The following SLC30A6 variants were observed in gnomAD, a reference collection of about 807,000 sequenced individuals.
SLC30A6 encodes zinc transporter 6.
In SLC30A6, 55 loss-of-function variants were observed where a neutral mutation model predicts 63.0. That is an observed-to-expected ratio of 0.87 (90% CI 0.70 to 1.09). The LOEUF (loss-of-function observed/expected upper bound fraction) is 1.09, where lower values mean the gene tolerates loss of function less well. SLC30A6 is among the 50% of genes least tolerant of loss of function. The pLI is 0.00. For synonymous variants in SLC30A6, 224 were observed against 186.1 expected, an observed-to-expected ratio of 1.20 and a Z score of -1.66; for missense variants, 587 against 549.2, an observed-to-expected ratio of 1.07 and a Z score of -0.69.
At chr2:32,186,326 A>C (rs1336963158) in intron 5 of SLC30A6, among the ~76,000 whole-genome samples, 2 of 152,178 alleles carry the variant, frequency 1.3e-5, no homozygotes, top group Admixed American at 6.5e-5. Context: ...TATCACTATG[A>C]TAATCAGTTG....
chr2:32,166,329 A>G (rs140191503), intron 1 of SLC30A6, among the ~76,000 whole-genome samples: 1 of 151,396 alleles, frequency 6.6e-6, no homozygotes, highest in Non-Finnish European at 1.5e-5. Context: ...GGTTAGTAAT[A>G]GGGTTTTAGG....
Position 32,220,535 on chromosome 2 carries a change from A to G in SLC30A6, c.1208A>G (p.Asn403Ser). Reference sequence around the variant, plus strand: ...AATGTGAACCCAGTTATTCTTCTAAACACACAAACAAGGCCTTATGGTTTT... The same window carrying G: ...AATGTGAACCCAGTTATTCTTCTAAGCACACAAACAAGGCCTTATGGTTTT... Reference protein sequence around the residue: ...GKNVNPVILLNTQTRPYGFGL... With the variant: ...GKNVNPVILLSTQTRPYGFGL... The change falls in exon 14 of 14, where the codon AAC becomes AGC. Residue 403 changes from asparagine to serine, a missense_variant. By Grantham distance (46) the Asn-to-Ser change is conservative. Transcript: ENST00000282587. 6.2e-7 allele frequency: 1 copy of G among 1,614,214 alleles called. No homozygotes were observed. The highest frequency in any genetic ancestry group is 8.5e-7 in the Non-Finnish European group (1 of 1,180,034).
intron 1 of SLC30A6, among the ~76,000 whole-genome samples, chr2:32,169,059 A>G (rs189999833): frequency 1.3e-5 from 2 of 152,218 alleles, no homozygotes; most frequent in South Asian, 2.1e-4. Flanking sequence ...TATTAAGGAG[A>G]ATTTTTTAAA....
chr2:32,167,379 ACT>A (rs1191229458), intron 1 of SLC30A6, among the ~76,000 whole-genome samples: 2 of 138,090 alleles, frequency 1.4e-5, no homozygotes, highest in African/African-American at 5.4e-5. Flanking sequence ...CAGGCCACAA[ACT>A]CTTTTTTTTT....
chr2:32,190,000 A>G (rs1683187457), intron 5 of SLC30A6, among the ~76,000 whole-genome samples: 1 of 152,130 alleles, frequency 6.6e-6, no homozygotes, highest in South Asian at 2.1e-4. Flanking sequence ...ACCTTTGCCT[A>G]TGTTGATTAA....
intron 8 of SLC30A6, 54 bp from the exon 9 acceptor site, chr2:32,197,290 G>A: frequency 1.4e-6 from 2 of 1,468,346 alleles, no homozygotes; most frequent in Non-Finnish European, 1.8e-6. Flanking sequence ...AAATATTTCA[G>A]GTAGTGGTTT....
chr2:32,187,731 T>C (rs2148839987), intron 5 of SLC30A6, among the ~76,000 whole-genome samples: 1 of 152,290 alleles, frequency 6.6e-6, no homozygotes, highest in East Asian at 1.9e-4. Context: ...TCCTTTGTAG[T>C]TTTCCCCGTC....
At position 32,222,671 on chromosome 2, in the gene SLC30A6, T is replaced by A. The variant is rs1406742003; in HGVS notation, c.*1958T>A. The A allele has an allele frequency of 6.6e-6, 1 of 152,244 alleles. No homozygotes were observed. Among genetic ancestry groups the A allele is most frequent in the Non-Finnish European group, 1.5e-5 (1 of 68,042 alleles). The allele number at this position is 152,244 out of a possible 1,614,324, so 9.4% of individuals were successfully genotyped here. ...CTACCTTGACTACTGGGGAAAATGA[T>A]ACTTCGTAAAATGTAATAAGGCAAC... On this transcript the variant is annotated 3_prime_UTR_variant, in exon 14 of 14. Coordinates refer to ENST00000282587, the MANE Select transcript of SLC30A6 (RefSeq NM_017964.5).
chr2:32,193,945 T>C lies in SLC30A6; in HGVS notation c.458T>C (p.Leu153Pro). ...VALCFNLFTM[L>P]SIRNKPFAYV... ...CTTTGTTTCAACCTGTTCACGATGC[T>C]TTCTATTCGGAATAAACCTTTTGCT... Residue 153 changes from leucine (L) to proline (P), a missense_variant, in exon 8 of 14, where the codon CTT becomes CCT. Coordinates refer to ENST00000282587, the MANE Select transcript of SLC30A6 (RefSeq NM_017964.5). The C allele has an allele frequency of 6.2e-7, 1 of 1,613,650 alleles. No homozygotes were observed.
At chr2:32,186,323 A>C (rs1218094094) in intron 5 of SLC30A6, among the ~76,000 whole-genome samples, 1 of 152,210 alleles carries the variant, frequency 6.6e-6, no homozygotes, top group Non-Finnish European at 1.5e-5. Flanking sequence ...CATTATCACT[A>C]TGATAATCAG....
intron 13 of SLC30A6, among the ~76,000 whole-genome samples, chr2:32,216,169 C>A (rs537953197): frequency 1.1e-4 from 17 of 152,226 alleles, no homozygotes; most frequent in African/African-American, 4.1e-4. Flanking sequence ...GATTTACATC[C>A]CCACCAACAG....
intron 1 of SLC30A6, among the ~76,000 whole-genome samples, chr2:32,171,045 G>T (rs1397337264): frequency 6.6e-6 from 1 of 152,124 alleles, no homozygotes; most frequent in Non-Finnish European, 1.5e-5. Flanking sequence ...TTGAATTTCT[G>T]CTCAGCCATT....
rs1292610479 is a variant in SLC30A6 at position 32,165,916 on chromosome 2, T to C, written c.3+13T>C. The C allele has an allele frequency of 2.5e-6, 4 of 1,614,080 alleles. No homozygotes were observed. In the Admixed American group the frequency reaches 6.7e-5, roughly 27 times the overall value. ...GCTCCTTATCATGGTGAGTTGGCTGTTGGGGTGAGGGTTTCGGCTGTAGCT... is the reference window on the plus strand; with the variant it reads ...GCTCCTTATCATGGTGAGTTGGCTGCTGGGGTGAGGGTTTCGGCTGTAGCT... On this transcript the variant is annotated intron_variant, in intron 1 of 13. Transcript: ENST00000282587.
intron 3 of SLC30A6, 52 bp from the exon 4 acceptor site, chr2:32,175,266 AT>A (rs1278935596): frequency 3.8e-6 from 6 of 1,562,942 alleles, no homozygotes; most frequent in Admixed American, 1.8e-5. Context: ...AACTTGCTGT[AT>A]TTTTTTAGAG....
In SLC30A6 at chr2:32,220,781, T is replaced by C; in HGVS notation, c.*68T>C. On this transcript the variant is annotated 3_prime_UTR_variant, in exon 14 of 14. Transcript: ENST00000282587. ...TTCCAATTTATTTAGTAATCCAACT[T>C]TGCATTGACTGTTTAATCATTTACT... 7.4e-7 allele frequency: 1 copy of C among 1,357,386 alleles called. No individual in the cohort carries two copies. The highest frequency in any genetic ancestry group is 1.0e-6 in the Non-Finnish European group (1 of 988,214). 84.1% of individuals were successfully genotyped at this position (1,357,386 alleles called of 1,614,324 possible). A position where few individuals can be genotyped will look rare whatever the true frequency, so the allele number is the denominator to read the frequency against.
At chr2:32,187,945 G>A (rs181848474) in intron 5 of SLC30A6, among the ~76,000 whole-genome samples, 1 of 152,258 alleles carries the variant, frequency 6.6e-6, no homozygotes, top group East Asian at 1.9e-4. Flanking sequence ...TTTACAGCCA[G>A]TGTTTTTCTT....
chr2:32,174,986 G>A (rs993153277), intron 3 of SLC30A6, among the ~76,000 whole-genome samples: 1 of 151,804 alleles, frequency 6.6e-6, no homozygotes, highest in Non-Finnish European at 1.5e-5. Flanking sequence ...GTTTTTTATT[G>A]CATTGTTCTT....
chr2:32,216,569 ATAAATAAATAAATAAT>A (rs1685726156), intron 13 of SLC30A6, among the ~76,000 whole-genome samples: 1 of 140,548 alleles, frequency 7.1e-6, no homozygotes, highest in Non-Finnish European at 1.6e-5. Context: ...AAATAAATAA[ATAAATAAATAAATAAT>A]AATAATGATA....
At position 32,220,381 on chromosome 2, in the gene SLC30A6, A is replaced by G; in HGVS notation, c.1054A>G (p.Asn352Asp). 3.7e-6 allele frequency: 6 copies of G among 1,614,204 alleles called. No homozygotes were observed. The highest frequency in any genetic ancestry group is 5.1e-6 in the Non-Finnish European group (6 of 1,180,026). ...LSGPVAANVLNFSDHHVIPMP... is the reference protein window; with the variant it reads ...LSGPVAANVLDFSDHHVIPMP... ...TGGGCCTGTTGCAGCCAATGTCCTA[A>G]ACTTTTCAGATCATCACGTAATCCC... The change falls in exon 14 of 14, where the codon AAC becomes GAC. Residue 352 changes from asparagine to aspartate, a missense_variant. Transcript: ENST00000282587.
Sources: gnomAD v4.1 joint callset for allele counts (sites outside exome capture counted in the v4.1 genomes callset) on GRCh38, gnomAD v4.1.1 for gene constraint, MANE v1.5 for transcripts, NCBI Gene and HGNC (gene_info 2026-07-23, HGNC 2026-07-21) for gene names.